Variants in JPT1 observed in about 807,000 individuals in gnomAD.
JPT1 encodes the protein Jupiter microtubule associated homolog 1, also known as androgen-regulated protein 2.
Under a neutral mutation model 17.0 loss-of-function variants are expected in JPT1, and 5 were observed. That is an observed-to-expected ratio of 0.29 (90% CI 0.15 to 0.62). JPT1 has a LOEUF of 0.62. Among genes scored for constraint, JPT1 ranks in the 20% least tolerant of loss-of-function variants. The pLI, the probability that JPT1 is intolerant of heterozygous loss-of-function variation, is 0.85. For synonymous variants in JPT1, 71 were observed against 73.6 expected, an observed-to-expected ratio of 0.96 and a Z score of 0.18; for missense variants, 158 against 188.1, an observed-to-expected ratio of 0.84 and a Z score of 0.94.
At position 75,147,831 on chromosome 17, in the gene JPT1, T is replaced by A; in HGVS notation, c.200-178A>T. 5.4e-6 allele frequency: 3 copies of A among 555,524 alleles called. 1 individual carries two copies. The highest frequency in any genetic ancestry group is 9.7e-6 in the Non-Finnish European group (3 of 308,640). 34.4% of individuals were successfully genotyped at this position (555,524 alleles called of 1,614,324 possible). A position where few individuals can be genotyped will look rare whatever the true frequency, so the allele number is the denominator to read the frequency against. ...CTGGCCAACATGGTAAAACCCTGTCTCTACTAAAAATATAAAAATTGGCTG... is the reference window on the plus strand; with the variant it reads ...CTGGCCAACATGGTAAAACCCTGTCACTACTAAAAATATAAAAATTGGCTG... On this transcript the variant is annotated intron_variant, in intron 2 of 4. Transcript: ENST00000409753.
Position 75,140,361 on chromosome 17 carries a change from AATAAG to A in JPT1, c.317-4116_317-4112del, listed in dbSNP as rs545069934. Among the ~76,000 whole-genome samples, 385 of 152,310 alleles carry A rather than the reference AATAAG, an allele frequency of 2.5e-3. 1 individual carries two copies. The highest frequency in any genetic ancestry group is 8.7e-3 in the African/African-American group (362 of 41,568). On this transcript the variant is annotated intron_variant, in intron 4 of 4. Transcript: ENST00000409753. ...CCTGGTCTCTTTTCTTTGGCACATC[AATAAG>A]ATAACTGAACAAAGACATCTCTATC...
At chr17:75,146,552 C>A (rs928628731) in intron 4 of JPT1, 114 bp downstream of exon 4, 11 of 716,066 alleles carry the variant, frequency 1.5e-5, no homozygotes, top group Middle Eastern at 2.6e-4. Context: ...GCACTTGGGG[C>A]ATGGCCAGGT....
chr17:75,149,568 C>T (rs1044895229), intron 1 of JPT1, among the ~76,000 whole-genome samples: 5 of 151,930 alleles, frequency 3.3e-5, no homozygotes, highest in South Asian at 2.1e-4. Flanking sequence ...GGGGTTTCAC[C>T]GTGTTAGCCA....
At chr17:75,154,074 G>A (rs2074596074) in intron 1 of JPT1, 1 of 226,896 alleles carries the variant, frequency 4.4e-6, no homozygotes, top group Admixed American at 5.7e-5. Flanking sequence ...AACCGGCCGT[G>A]CTCCGAGGGG....
At chr17:75,138,724 C>G (rs896078184) in intron 4 of JPT1, among the ~76,000 whole-genome samples, 1 of 152,206 alleles carries the variant, frequency 6.6e-6, no homozygotes, top group Non-Finnish European at 1.5e-5. Context: ...AGGTCTTTAA[C>G]ACTTACTCTC....
At position 75,146,640 on chromosome 17, in the gene JPT1, G is replaced by C. The variant is rs1004513127; in HGVS notation, c.316+26C>G. 7.9e-6 allele frequency: 12 copies of C among 1,528,402 alleles called. No individual in the cohort carries two copies. The African/African-American group carries it at 1.6e-4, about 21-fold the overall frequency. The allele number at this position is 1,528,402 out of a possible 1,614,324, so 94.7% of individuals were successfully genotyped here. On this transcript the variant is annotated intron_variant, in intron 4 of 4. Coordinates refer to ENST00000409753, the MANE Select transcript of JPT1 (RefSeq NM_016185.4). ...TGTCCTAAAACCATGGACAGAGCCAGAAATTTGGTCTTCAGAAGTACTTAC... is the reference window on the plus strand; with the variant it reads ...TGTCCTAAAACCATGGACAGAGCCACAAATTTGGTCTTCAGAAGTACTTAC...
chr17:75,135,991 A>T lies in JPT1; in HGVS notation c.*111T>A, dbSNP rs745490160. Reference sequence around the variant, plus strand: ...AAAAAAAAAAGACAGCAGTACATAAAGTGCTTCTTTTTAATGAAACAAATC... The same window carrying T: ...AAAAAAAAAAGACAGCAGTACATAATGTGCTTCTTTTTAATGAAACAAATC... On this transcript the variant is annotated 3_prime_UTR_variant, in exon 5 of 5. Coordinates refer to ENST00000409753, the MANE Select transcript of JPT1 (RefSeq NM_016185.4). 1 of 1,605,702 alleles carries T rather than the reference A, an allele frequency of 6.2e-7. No individual in the cohort carries two copies. Among genetic ancestry groups the T allele is most frequent in the South Asian group, 1.1e-5 (1 of 90,504 alleles).
chr17:75,145,163 C>CAAAAAAAA, intron 4 of JPT1: 1 of 85,148 alleles, frequency 1.2e-5, no homozygotes, highest in Non-Finnish European at 2.3e-5. Flanking sequence ...GACTCCATCT[C>CAAAAAAAA]AAAAAAAAAA....
intron 4 of JPT1, among the ~76,000 whole-genome samples, chr17:75,144,801 G>A (rs2074392058): frequency 6.6e-6 from 1 of 152,182 alleles, no homozygotes; most frequent in Non-Finnish European, 1.5e-5. Context: ...GGTGTCCACT[G>A]ATTGGCGTGT....
At position 75,135,897 on chromosome 17, in the gene JPT1, G is replaced by C; in HGVS notation, c.*205C>G. 9.3e-7 allele frequency: 1 copy of C among 1,078,892 alleles called. No homozygotes were observed. The highest frequency in any genetic ancestry group is 2.5e-5 in the East Asian group (1 of 40,728). 66.8% of individuals were successfully genotyped at this position (1,078,892 alleles called of 1,614,324 possible). A position where few individuals can be genotyped will look rare whatever the true frequency, so the allele number is the denominator to read the frequency against. On this transcript the variant is annotated 3_prime_UTR_variant, in exon 5 of 5. Transcript: ENST00000409753. ...AAGCTTTCCCTCCAATCTACTACTA[G>C]AAAACACTCATGCCATGGCCCACAG...
chr17:75,147,517 G>T, intron 3 of JPT1, 39 bp downstream of exon 3: 2 of 1,370,418 alleles, frequency 1.5e-6, no homozygotes, highest in Non-Finnish European at 1.0e-6. Flanking sequence ...GAATCATATT[G>T]ACCTGAAAGC....
intron 1 of JPT1, among the ~76,000 whole-genome samples, chr17:75,150,060 T>C (rs759948157): frequency 2.0e-5 from 3 of 152,158 alleles, no homozygotes; most frequent in Admixed American, 6.6e-5. Context: ...TTCCATGACA[T>C]GGTCTATATC....
chr17:75,136,070 A>G lies in JPT1; in HGVS notation c.*32T>C. ...TGCAGTTCACAAGCATGGAGGAAAC[A>G]GACAGAACGACAGCGTTCAGGACAG... On this transcript the variant is annotated 3_prime_UTR_variant, in exon 5 of 5. Coordinates refer to ENST00000409753, the MANE Select transcript of JPT1 (RefSeq NM_016185.4). 1.2e-6 allele frequency: 2 copies of G among 1,613,942 alleles called. No individual in the cohort carries two copies. The highest frequency in any genetic ancestry group is 1.1e-5 in the South Asian group (1 of 90,974).
intron 2 of JPT1, among the ~76,000 whole-genome samples, chr17:75,148,159 G>A (rs191983227): frequency 2.6e-5 from 4 of 152,322 alleles, no homozygotes; most frequent in Admixed American, 1.3e-4. Flanking sequence ...CAGCCTCTCA[G>A]TATTTCCCAT....
rs773384523 is a variant in JPT1 at position 75,136,054 on chromosome 17, C to G, written c.*48G>C. ...AGTCAGGCTCAAGTTGTGCAGTTCA[C>G]AAGCATGGAGGAAACAGACAGAACG... On this transcript the variant is annotated 3_prime_UTR_variant, in exon 5 of 5. Transcript: ENST00000409753. 6.2e-7 allele frequency: 1 copy of G among 1,614,086 alleles called. No individual in the cohort carries two copies. The highest frequency in any genetic ancestry group is 8.5e-7 in the Non-Finnish European group (1 of 1,180,000).
intron 4 of JPT1, among the ~76,000 whole-genome samples, chr17:75,142,284 GC>G (rs1389174558): frequency 6.6e-6 from 1 of 151,552 alleles, no homozygotes; most frequent in Non-Finnish European, 1.5e-5. Flanking sequence ...AACCGGCCGG[GC>G]CTGGTGGCTC....
intron 4 of JPT1, among the ~76,000 whole-genome samples, chr17:75,138,100 A>G (rs994352169): frequency 6.6e-6 from 1 of 151,760 alleles, no homozygotes; most frequent in Admixed American, 6.6e-5. Context: ...AGCTGGGATT[A>G]TAGGTGCCCG....
intron 1 of JPT1, among the ~76,000 whole-genome samples, chr17:75,151,126 A>C (rs1198030110): frequency 6.6e-6 from 1 of 151,890 alleles, no homozygotes; most frequent in Non-Finnish European, 1.5e-5. Context: ...TGCTGGGATT[A>C]CAGGCGTGAG....
At position 75,146,773 on chromosome 17, in the gene JPT1, T is replaced by C. The variant is rs1400623026; in HGVS notation, c.298-89A>G. 5.0e-6 allele frequency: 4 copies of C among 796,460 alleles called. No homozygotes were observed. The African/African-American group carries it at 5.2e-5, about 10-fold the overall frequency. The allele number at this position is 796,460 out of a possible 1,614,324, so 49.3% of individuals were successfully genotyped here. A position where few individuals can be genotyped will look rare whatever the true frequency, so the allele number is the denominator to read the frequency against. On this transcript the variant is annotated intron_variant, in intron 3 of 4. Transcript: ENST00000409753. ...ATAGTTCATAGCAGCTAACATCTAC[T>C]TGAAACCGAATGTGACATTTCATTG...
Sources: gnomAD v4.1 joint callset for allele counts (sites outside exome capture counted in the v4.1 genomes callset) on GRCh38, gnomAD v4.1.1 for gene constraint, MANE v1.5 for transcripts, NCBI Gene and HGNC (gene_info 2026-07-23, HGNC 2026-07-21) for gene names.